SLC8A1: variants seen among roughly 807,000 people sequenced by gnomAD.
SLC8A1 encodes the protein solute carrier family 8 member A1.
SLC8A1 carries 18 observed loss-of-function variants against 68.3 expected under a neutral mutation model. That is an observed-to-expected ratio of 0.26 (90% CI 0.18 to 0.39). The LOEUF (loss-of-function observed/expected upper bound fraction) is 0.39, where lower values mean the gene tolerates loss of function less well. Among genes scored for constraint, SLC8A1 ranks in the 10% least tolerant of loss-of-function variants. The probability of loss-of-function intolerance (pLI) is 1.00; values close to 1 mark genes in which losing one functional copy is unlikely to be tolerated. For synonymous variants in SLC8A1, 475 were observed against 415.5 expected (o/e 1.14, Z -1.74); for missense variants, 985 against 1,156.7 (o/e 0.85, Z 2.15).
intron 2 of SLC8A1, among the ~76,000 whole-genome samples, chr2:40,209,703 C>T (rs978212570): frequency 3.9e-5 from 6 of 152,154 alleles, no homozygotes; most frequent in South Asian, 2.1e-4. Flanking sequence ...GAGTGATAGA[C>T]GCTGGCCCAT....
At chr2:40,456,300 G>A (rs1023390732), upstream of SLC8A1, among the ~76,000 whole-genome samples, 4 of 131,830 alleles carry the variant, frequency 3.0e-5, no homozygotes, top group African/African-American at 1.1e-4. Context: ...TGGGTGGACA[G>A]AGCGAGACTC....
At chr2:40,393,281 C>G (rs982506861) in intron 2 of SLC8A1, among the ~76,000 whole-genome samples, 1 of 152,004 alleles carries the variant, frequency 6.6e-6, no homozygotes, top group Admixed American at 6.6e-5. Context: ...GGAAAAAAAT[C>G]CCAACAGCTA....
intron 2 of SLC8A1, among the ~76,000 whole-genome samples, chr2:40,367,031 G>C (rs1676437651): frequency 6.6e-6 from 1 of 151,852 alleles, no homozygotes; most frequent in Non-Finnish European, 1.5e-5. Flanking sequence ...TGAGGGTGTG[G>C]TTGTCAAAAA....
chr2:40,445,321 T>C (rs1018329885), intron 1 of SLC8A1, among the ~76,000 whole-genome samples: 3 of 152,182 alleles, frequency 2.0e-5, no homozygotes, highest in African/African-American at 7.2e-5. Context: ...ATTTTGTTAG[T>C]CAGTATTCTC....
chr2:40,217,132 A>G (rs1195751317), intron 2 of SLC8A1, among the ~76,000 whole-genome samples: 1 of 152,078 alleles, frequency 6.6e-6, no homozygotes, highest in Non-Finnish European at 1.5e-5. Flanking sequence ...GTTTTACATT[A>G]AAGTCTTGAA....
intron 2 of SLC8A1, among the ~76,000 whole-genome samples, chr2:40,326,511 C>A (rs1439179248): frequency 6.6e-6 from 1 of 152,098 alleles, no homozygotes; most frequent in East Asian, 1.9e-4. Context: ...AACCTTTCTT[C>A]TCTGCCTTGG....
exon 8 of SLC8A1, chr2:40,105,206 C>G (rs1168202840): frequency 1.3e-5 from 2 of 152,196 alleles, no homozygotes; most frequent in Admixed American, 6.5e-5. Context: ...TAGATAAAAA[C>G]TTACCAGGAA....
chr2:40,177,897 C>A, intron 2 of SLC8A1: 1 of 1,287,694 alleles, frequency 7.8e-7, no homozygotes, highest in South Asian at 1.3e-5. Context: ...TGGTTGGAGT[C>A]ACACGCTCAT....
intron 2 of SLC8A1, among the ~76,000 whole-genome samples, chr2:40,284,082 A>G (rs888577899): frequency 4.0e-5 from 6 of 151,808 alleles, no homozygotes; most frequent in African/African-American, 1.5e-4. Context: ...AATTTAAAAA[A>G]CCTATTTCTT....
chr2:40,218,098 G>GA (rs2057764684), intron 2 of SLC8A1, among the ~76,000 whole-genome samples: 1 of 86,678 alleles, frequency 1.2e-5, no homozygotes, highest in Non-Finnish European at 2.7e-5. Flanking sequence ...ACTTCTTACA[G>GA]TTAGTTTGTA....
intron 1 of SLC8A1, among the ~76,000 whole-genome samples, chr2:40,433,069 C>T (rs6544338): frequency 0.68 from 103,652 of 151,992 alleles, 37,377 homozygotes; most frequent in East Asian, 0.93. Flanking sequence ...ACTGATATAA[C>T]TAACCACTCC....
chr2:40,251,788 G>C (rs146051215), intron 2 of SLC8A1: 23 of 152,246 alleles, frequency 1.5e-4, no homozygotes, highest in African/African-American at 5.5e-4. Context: ...AGCCTCATAT[G>C]ACTTTCGTCT....
At chr2:40,125,777 T>C (rs1476655772) in intron 7 of SLC8A1, among the ~76,000 whole-genome samples, 1 of 152,154 alleles carries the variant, frequency 6.6e-6, no homozygotes, top group African/African-American at 2.4e-5. Flanking sequence ...AAAAAAGGCA[T>C]AGAGCTCTAC....
chr2:40,221,372 G>C (rs1461115947), intron 2 of SLC8A1, among the ~76,000 whole-genome samples: 1 of 152,152 alleles, frequency 6.6e-6, no homozygotes, highest in African/African-American at 2.4e-5. Context: ...GGTATTGATA[G>C]AACGTATTTC....
At chr2:40,193,551 G>A (rs951683225) in intron 2 of SLC8A1, among the ~76,000 whole-genome samples, 2 of 152,126 alleles carry the variant, frequency 1.3e-5, no homozygotes, top group Non-Finnish European at 2.9e-5. Flanking sequence ...TCTGACTTAT[G>A]TTTATGGTGT....
chr2:40,396,305 C>G (rs1686875119), intron 2 of SLC8A1, among the ~76,000 whole-genome samples: 1 of 152,140 alleles, frequency 6.6e-6, no homozygotes, highest in South Asian at 2.1e-4. Context: ...TTGAAGAGCG[C>G]TGCTTTTCCC....
At chr2:40,466,796 G>C (rs1421449706) in intron 1 of SLC8A1, among the ~76,000 whole-genome samples, 1 of 151,986 alleles carries the variant, frequency 6.6e-6, no homozygotes, top group East Asian at 1.9e-4. Flanking sequence ...TTGCAACTTG[G>C]ACTCTGTATT....
chr2:40,110,199 G>C (rs946622977), exon 8 of SLC8A1: 1 of 152,094 alleles, frequency 6.6e-6, no homozygotes, highest in African/African-American at 2.4e-5. Flanking sequence ...TTATAGATAA[G>C]ACAGTCTCTG....
intron 2 of SLC8A1, among the ~76,000 whole-genome samples, chr2:40,298,853 C>A (rs868698970): frequency 6.6e-6 from 1 of 152,164 alleles, no homozygotes; most frequent in Non-Finnish European, 1.5e-5. Flanking sequence ...TTTCTGAAGA[C>A]TACATAGAAT....
Sources: allele counts gnomAD v4.1 joint callset (sites outside exome capture counted in the v4.1 genomes callset), GRCh38; gene constraint gnomAD v4.1.1; transcripts MANE v1.5; gene names NCBI Gene and HGNC (gene_info 2026-07-23, HGNC 2026-07-21).